Variants in PDE4B observed in about 807,000 individuals in gnomAD.
PDE4B encodes 3',5'-cyclic-AMP phosphodiesterase 4B.
Under a neutral mutation model 82.2 loss-of-function variants are expected in PDE4B, and 20 were observed. That is an observed-to-expected ratio of 0.24 (90% CI 0.17 to 0.35). The LOEUF (loss-of-function observed/expected upper bound fraction) is 0.35, where lower values mean the gene tolerates loss of function less well. Among genes scored for constraint, PDE4B ranks in the 10% least tolerant of loss-of-function variants. The pLI is 1.00. For missense variants in PDE4B, 655 were observed against 907.2 expected (o/e 0.72, Z 3.57); for synonymous variants, 320 against 318.9 (o/e 1.00, Z -0.04).
chr1:66,307,953 C>CA (rs531545305), intron 7 of PDE4B, among the ~76,000 whole-genome samples: 257 of 152,244 alleles, frequency 1.7e-3, no homozygotes, highest in Non-Finnish European at 2.9e-3. Context: ...GCTTTAGCTG[C>CA]ATGTTGCACA....
intron 1 of PDE4B, among the ~76,000 whole-genome samples, chr1:65,895,331 C>T (rs1646897235): frequency 6.6e-6 from 1 of 151,976 alleles, no homozygotes; most frequent in Admixed American, 6.6e-5. Context: ...AGGTGAATCA[C>T]CTGAGGTCAG....
At position 65,928,359 on chromosome 1, in the gene PDE4B, C is replaced by T. The variant is rs1252685422; in HGVS notation, c.281+9524C>T. ...ATTAAGTACGAATGCAGTAGGCTTC[C>T]TATCAATTTCACTTCTAGGAACACC... On this transcript the variant is annotated intron_variant, in intron 3 of 16. Transcript: ENST00000341517. Among the ~76,000 whole-genome samples the T allele has an allele frequency of 2.6e-5, 4 of 152,090 alleles. No homozygotes were observed. The East Asian group carries it at 7.7e-4, about 29-fold the overall frequency.
chr1:65,844,307 C>CAGTCCA (rs1646243801), intron 1 of PDE4B, among the ~76,000 whole-genome samples: 1 of 152,148 alleles, frequency 6.6e-6, no homozygotes, highest in South Asian at 2.1e-4. Context: ...AGGTATCCTA[C>CAGTCCA]AATTTAGCTA....
chr1:66,268,667 C>CAAAAAAAAAAAAAAAA (rs36046564), intron 7 of PDE4B, among the ~76,000 whole-genome samples: 4 of 61,236 alleles, frequency 6.5e-5, no homozygotes, highest in East Asian at 5.2e-4. Flanking sequence ...GACTCCATCT[C>CAAAAAAAAAAAAAAAA]AAAAAAAAAA....
chr1:65,908,658 A>G (rs749774447), intron 1 of PDE4B, among the ~76,000 whole-genome samples: 3 of 152,102 alleles, frequency 2.0e-5, no homozygotes, highest in Non-Finnish European at 2.9e-5. Flanking sequence ...TATTCCAATC[A>G]AGAGAGTAGA....
chr1:66,164,535 CAAAAAAAAAA>C (rs10718019), intron 3 of PDE4B, among the ~76,000 whole-genome samples: 1 of 48,556 alleles, frequency 2.1e-5, no homozygotes, highest in Non-Finnish European at 3.5e-5. Context: ...GACTCCGTCT[CAAAAAAAAAA>C]AAAAAAAAAA....
intron 1 of PDE4B, among the ~76,000 whole-genome samples, chr1:65,906,827 T>C (rs1647032746): frequency 6.6e-6 from 1 of 152,180 alleles, no homozygotes; most frequent in Non-Finnish European, 1.5e-5. Context: ...GGAGACATGT[T>C]TTACTCAAAG....
chr1:66,200,850 C>T (rs954115726), intron 3 of PDE4B, among the ~76,000 whole-genome samples: 7 of 152,134 alleles, frequency 4.6e-5, no homozygotes, highest in African/African-American at 1.7e-4. Flanking sequence ...CTTCTCCTAC[C>T]TAATTGCCCT....
At chr1:65,849,868 C>T (rs536409936) in intron 1 of PDE4B, among the ~76,000 whole-genome samples, 3 of 151,966 alleles carry the variant, frequency 2.0e-5, no homozygotes, top group Admixed American at 6.6e-5. Context: ...GGATTCAGTT[C>T]GATTATTACA....
At chr1:66,301,789 G>T (rs1386899421) in intron 7 of PDE4B, among the ~76,000 whole-genome samples, 1 of 152,094 alleles carries the variant, frequency 6.6e-6, no homozygotes, top group Non-Finnish European at 1.5e-5. Context: ...CAAATGCCAG[G>T]TTATTCTACC....
chr1:66,197,546 A>G (rs907309795), intron 3 of PDE4B, among the ~76,000 whole-genome samples: 1 of 152,104 alleles, frequency 6.6e-6, no homozygotes, highest in African/African-American at 2.4e-5. Context: ...GTGCTGAAAT[A>G]CTTTACAGAT....
At chr1:66,128,933 TC>T (rs1207047762) in intron 3 of PDE4B, among the ~76,000 whole-genome samples, 1 of 152,218 alleles carries the variant, frequency 6.6e-6, no homozygotes, top group African/African-American at 2.4e-5. Flanking sequence ...TCCGACTTCC[TC>T]CCACAACACA....
In PDE4B at chr1:65,879,428, G is replaced by C. The variant is rs573746081; in HGVS notation, c.-70-33817G>C. 8.0e-4 allele frequency among the ~76,000 whole-genome samples: 122 copies of C among 152,256 alleles called. 1 individual carries two copies. The Middle Eastern group carries it at 0.024, about 30-fold the overall frequency. On this transcript the variant is annotated intron_variant, in intron 1 of 16. Coordinates refer to ENST00000341517, the MANE Select transcript of PDE4B (RefSeq NM_002600.4). ...AAATATATATAAAATAAACAGACCAGTAGAAGAAGAGACAAGTTCATAAAT... is the reference window on the plus strand; with the variant it reads ...AAATATATATAAAATAAACAGACCACTAGAAGAAGAGACAAGTTCATAAAT...
At chr1:66,122,986 G>T (rs1375369703) in intron 3 of PDE4B, among the ~76,000 whole-genome samples, 1 of 152,058 alleles carries the variant, frequency 6.6e-6, no homozygotes, top group Non-Finnish European at 1.5e-5. Flanking sequence ...GATTACAGAT[G>T]TGAGCCACCA....
chr1:65,832,980 G>A (rs1570989888), intron 1 of PDE4B, among the ~76,000 whole-genome samples: 1 of 152,178 alleles, frequency 6.6e-6, no homozygotes, highest in African/African-American at 2.4e-5. Context: ...CTTCTTTAAA[G>A]TTAATGTGAC....
intron 4 of PDE4B, among the ~76,000 whole-genome samples, chr1:66,250,631 T>G (rs996688887): frequency 6.6e-6 from 1 of 152,220 alleles, no homozygotes; most frequent in Non-Finnish European, 1.5e-5. Flanking sequence ...CTTTCCTAGA[T>G]GTGGCAATAG....
At chr1:66,186,020 T>C (rs1029238715) in intron 3 of PDE4B, among the ~76,000 whole-genome samples, 1 of 152,186 alleles carries the variant, frequency 6.6e-6, no homozygotes, top group Non-Finnish European at 1.5e-5. Flanking sequence ...GTATAAGGTG[T>C]AAGGAAGGGA....
At chr1:66,103,312 G>A (rs981192358) in intron 3 of PDE4B, among the ~76,000 whole-genome samples, 3 of 152,092 alleles carry the variant, frequency 2.0e-5, no homozygotes, top group Admixed American at 2.0e-4. Context: ...CAATAAAACT[G>A]ATGCTGAATG....
At chr1:66,145,355 A>G (rs1646249052) in intron 3 of PDE4B, among the ~76,000 whole-genome samples, 1 of 152,210 alleles carries the variant, frequency 6.6e-6, no homozygotes, top group South Asian at 2.1e-4. Context: ...TGATAGTATT[A>G]GAGTCCAAGA....
Sources: gnomAD v4.1 joint callset for allele counts (sites outside exome capture counted in the v4.1 genomes callset) on GRCh38, gnomAD v4.1.1 for gene constraint, MANE v1.5 for transcripts, NCBI Gene and HGNC (gene_info 2026-07-23, HGNC 2026-07-21) for gene names.